Variants in RPIA observed in about 807,000 individuals in gnomAD.
RPIA encodes the protein ribose-5-phosphate isomerase.
In RPIA, 29 loss-of-function variants were observed where a neutral mutation model predicts 37.8. That is an observed-to-expected ratio of 0.77 (90% CI 0.57 to 1.05). The LOEUF (loss-of-function observed/expected upper bound fraction) is 1.05. RPIA is among the 50% of genes least tolerant of loss of function. The pLI is 0.00. For synonymous variants in RPIA, 167 were observed against 157.0 expected, an observed-to-expected ratio of 1.06 and a Z score of -0.48; for missense variants, 385 against 413.6, an observed-to-expected ratio of 0.93 and a Z score of 0.60.
intron 4 of RPIA, among the ~76,000 whole-genome samples, 191 bp from the exon 5 acceptor site, chr2:88,734,361 C>G (rs1263080000): frequency 6.6e-6 from 1 of 152,098 alleles, no homozygotes; most frequent in Non-Finnish European, 1.5e-5. Flanking sequence ...AGTCCCAAGT[C>G]CTGTGCTGTT....
At chr2:88,695,946 A>G (rs1672737353) in intron 1 of RPIA, among the ~76,000 whole-genome samples, 1 of 149,104 alleles carries the variant, frequency 6.7e-6, no homozygotes, top group South Asian at 2.1e-4. Flanking sequence ...TTTTTTTGGT[A>G]ACTCTACTTG....
At chr2:88,749,913 G>A (rs1673482730) in intron 8 of RPIA, 68 bp from the exon 9 acceptor site, 3 of 1,070,802 alleles carry the variant, frequency 2.8e-6, no homozygotes, top group Admixed American at 1.7e-5. Flanking sequence ...TAGTGACCCT[G>A]CAGTCTTTGA....
chr2:88,710,087 C>T (rs1314472025), intron 3 of RPIA, among the ~76,000 whole-genome samples: 1 of 152,114 alleles, frequency 6.6e-6, no homozygotes, highest in Non-Finnish European at 1.5e-5. Flanking sequence ...TGCTCTGTCA[C>T]CCAGGCTGGA....
chr2:88,738,115 T>A, intron 8 of RPIA, 39 bp downstream of exon 8: 2 of 1,456,730 alleles, frequency 1.4e-6, no homozygotes, highest in Non-Finnish European at 1.9e-6. Context: ...TACACACCCA[T>A]GGCCTTCATA....
At chr2:88,714,935 A>C (rs1673013268) in intron 3 of RPIA, among the ~76,000 whole-genome samples, 1 of 152,180 alleles carries the variant, frequency 6.6e-6, no homozygotes, top group South Asian at 2.1e-4. Flanking sequence ...TTCTCTAGAG[A>C]ATCAGCATGC....
At chr2:88,724,500 G>A (rs1284896394) in intron 3 of RPIA, among the ~76,000 whole-genome samples, 1 of 151,996 alleles carries the variant, frequency 6.6e-6, no homozygotes, top group East Asian at 1.9e-4. Flanking sequence ...CTGGAGATGG[G>A]GTTTCACCAT....
At chr2:88,715,387 G>C (rs1217375361) in intron 3 of RPIA, among the ~76,000 whole-genome samples, 3 of 152,164 alleles carry the variant, frequency 2.0e-5, no homozygotes, top group Non-Finnish European at 2.9e-5. Flanking sequence ...ATTCTTAAAA[G>C]CCTTATGATT....
intron 8 of RPIA, among the ~76,000 whole-genome samples, chr2:88,746,676 G>A (rs1673441608): frequency 6.6e-6 from 1 of 152,172 alleles, no homozygotes; most frequent in Admixed American, 6.5e-5. Flanking sequence ...AGAGTGAAGT[G>A]GACTCTGTGG....
chr2:88,698,532 G>A lies in RPIA; in HGVS notation c.334G>A (p.Val112Met), dbSNP rs1218322855. 6.2e-7 allele frequency: 1 copy of A among 1,614,006 alleles called. No homozygotes were observed. The highest frequency in any genetic ancestry group is 1.7e-5 in the Admixed American group (1 of 60,022). Residue 112 changes from valine (V) to methionine (M), a missense_variant, in exon 2 of 9, where the codon GTG becomes ATG. By Grantham distance (21) the Val-to-Met change is conservative. Transcript: ENST00000283646. Reference protein sequence around the residue: ...IGSGSTIVHAVQRIAERVKQE... With the variant: ...IGSGSTIVHAMQRIAERVKQE... ...AAGTGGTTCTACAATTGTCCATGCT[G>A]TGCAGCGAATAGGTATGCTCTCTCA...
chr2:88,729,620 C>A lies in RPIA; in HGVS notation c.462+283C>A, dbSNP rs75541898. Among the ~76,000 whole-genome samples, 382 of 152,278 alleles carry A rather than the reference C, an allele frequency of 2.5e-3. 4 individuals are homozygous for A. Among genetic ancestry groups the A allele is most frequent in the African/African-American group, 8.6e-3 (356 of 41,566 alleles). On this transcript the variant is annotated intron_variant, in intron 4 of 8. Coordinates refer to ENST00000283646, the MANE Select transcript of RPIA (RefSeq NM_144563.3). ...GGCTATATCCAGGGCTTCCTGAGGT[C>A]TTTGTGCAGAGGTATAAGAGTGAGC...
rs530917916 is a variant in RPIA, at chr2:88,737,872, G to A, written c.739-105G>A. On this transcript the variant is annotated intron_variant, in intron 7 of 8. Coordinates refer to ENST00000283646, the MANE Select transcript of RPIA (RefSeq NM_144563.3). ...CACACCTAGAAAGCATAAGGTGGGAGCAGGTTAAAATGCATACTTGTCTTT... is the reference window on the plus strand; with the variant it reads ...CACACCTAGAAAGCATAAGGTGGGAACAGGTTAAAATGCATACTTGTCTTT... 4.2e-5 allele frequency: 34 copies of A among 804,166 alleles called. No homozygotes were observed. In the Admixed American group the frequency reaches 5.3e-4, roughly 13 times the overall value. 49.8% of individuals were successfully genotyped at this position (804,166 alleles called of 1,614,324 possible). A position where few individuals can be genotyped will look rare whatever the true frequency, so the allele number is the denominator to read the frequency against.
rs560595050 is a variant in RPIA at position 88,745,479 on chromosome 2, C to T, written c.839-4502C>T. On this transcript the variant is annotated intron_variant, in intron 8 of 8. Coordinates refer to ENST00000283646, the MANE Select transcript of RPIA (RefSeq NM_144563.3). ...TCTTGTAGGACTGGCTTGGTAGTGG[C>T]GAATTCTCTCAGCATTTGTTTGTCT... Among the ~76,000 whole-genome samples the T allele has an allele frequency of 3.9e-5, 6 of 152,202 alleles. No individual in the cohort carries two copies. The South Asian group carries it at 6.2e-4, about 16-fold the overall frequency.
chr2:88,716,815 A>G (rs1479128076), intron 3 of RPIA, among the ~76,000 whole-genome samples: 5 of 152,206 alleles, frequency 3.3e-5, no homozygotes, highest in Non-Finnish European at 7.3e-5. Flanking sequence ...CTGAAGATTC[A>G]CTGAAAATTA....
intron 3 of RPIA, among the ~76,000 whole-genome samples, chr2:88,717,960 G>A (rs1033484048): frequency 2.0e-5 from 3 of 152,106 alleles, no homozygotes; most frequent in Admixed American, 6.6e-5. Flanking sequence ...GTATGAAAGT[G>A]GCTTATGTAT....
At chr2:88,739,967 G>A (rs553944833) in intron 8 of RPIA, among the ~76,000 whole-genome samples, 10 of 152,170 alleles carry the variant, frequency 6.6e-5, no homozygotes, top group African/African-American at 2.2e-4. Flanking sequence ...CTTTTACCAC[G>A]TTAAGTCAAA....
At chr2:88,718,749 T>C (rs1316033333) in intron 3 of RPIA, among the ~76,000 whole-genome samples, 1 of 152,220 alleles carries the variant, frequency 6.6e-6, no homozygotes, top group Non-Finnish European at 1.5e-5. Flanking sequence ...TGCAAATAAC[T>C]GTATTGTCAT....
rs1052103435 is a variant in RPIA at position 88,750,196 on chromosome 2, T to TG, written c.*124dup. 7.8e-6 allele frequency: 4 copies of TG among 510,350 alleles called. No individual in the cohort carries two copies. In the African/African-American group the frequency reaches 8.2e-5, roughly 10 times the overall value. The allele number at this position is 510,350 out of a possible 1,614,324, so 31.6% of individuals were successfully genotyped here. On this transcript the variant is annotated 3_prime_UTR_variant, in exon 9 of 9. Coordinates refer to ENST00000283646, the MANE Select transcript of RPIA (RefSeq NM_144563.3). ...TGCCTGGACAACTTGTGGTGGGGGG[T>TG]GGGGGGAAGAGTGGGAGGGGGAGTT...
chr2:88,713,519 C>T (rs539954012), intron 3 of RPIA, among the ~76,000 whole-genome samples: 3 of 152,270 alleles, frequency 2.0e-5, no homozygotes, highest in South Asian at 2.1e-4. Context: ...TAAGGACTCA[C>T]GTACCGTTTT....
chr2:88,693,805 C>T (rs1163801283), intron 1 of RPIA, among the ~76,000 whole-genome samples: 2 of 152,226 alleles, frequency 1.3e-5, no homozygotes, highest in Non-Finnish European at 2.9e-5. Context: ...ACTTCCGTGT[C>T]TGAGTGGATG....
Sources: allele counts gnomAD v4.1 joint callset (sites outside exome capture counted in the v4.1 genomes callset), GRCh38; gene constraint gnomAD v4.1.1; transcripts MANE v1.5; gene names NCBI Gene and HGNC (gene_info 2026-07-23, HGNC 2026-07-21).